Variants in MRE11 observed in about 807,000 individuals in gnomAD.
MRE11 encodes the protein MRE11 double strand break repair nuclease, also known as double-strand break repair protein MRE11.
A neutral mutation model predicts 91.7 loss-of-function variants in MRE11; 62 were observed. That is an observed-to-expected ratio of 0.68 (90% confidence interval 0.55 to 0.84). The LOEUF (loss-of-function observed/expected upper bound fraction) is 0.84. Ranked by LOEUF, MRE11 falls within the 40% of genes least tolerant of loss-of-function variation. MRE11 has a pLI of 0.00. For synonymous variants in MRE11, 273 were observed against 271.4 expected (o/e 1.01, Z -0.06); for missense variants, 796 against 852.9 (o/e 0.93, Z 0.83).
the MRE11 span, among the ~76,000 whole-genome samples, chr11:94,501,274 T>G: frequency 6.6e-6 from 1 of 152,224 alleles, no homozygotes; most frequent in Non-Finnish European, 1.5e-5. Flanking sequence ...TCTAAATCAG[T>G]GCCAACACAT....
intron 6 of MRE11, among the ~76,000 whole-genome samples, chr11:94,478,451 C>T (rs2135083038): frequency 6.6e-6 from 1 of 152,222 alleles, no homozygotes; most frequent in East Asian, 1.9e-4. Flanking sequence ...TTAGACCTTT[C>T]AAAGACTTCC....
the MRE11 span, among the ~76,000 whole-genome samples, chr11:94,507,541 A>G: frequency 6.6e-6 from 1 of 152,236 alleles, no homozygotes; most frequent in Non-Finnish European, 1.5e-5. Context: ...AAAAACTGCC[A>G]AAACAGTTCT....
upstream of MRE11, among the ~76,000 whole-genome samples, chr11:94,494,961 T>G (rs36225559): frequency 0.01 from 1,578 of 152,280 alleles, 14 homozygotes; most frequent in Non-Finnish European, 0.018. Context: ...AAGTGGAAGC[T>G]CCAGGAGAAT....
intron 14 of MRE11, among the ~76,000 whole-genome samples, chr11:94,451,322 G>T (rs1239415308): frequency 1.3e-5 from 2 of 151,896 alleles, no homozygotes; most frequent in African/African-American, 4.8e-5. Context: ...AATTATCAAA[G>T]AAAATTTTGA....
At chr11:94,464,574 A>AAAAC (rs201300891) in intron 10 of MRE11, among the ~76,000 whole-genome samples, 9 of 152,318 alleles carry the variant, frequency 5.9e-5, no homozygotes, top group East Asian at 1.9e-4. Context: ...CTGAACTTTC[A>AAAAC]AAACAAACAA....
chr11:94,478,955 A>C, intron 5 of MRE11, 79 bp from the exon 6 acceptor site: 12 of 1,439,764 alleles, frequency 8.3e-6, no homozygotes, highest in Non-Finnish European at 1.2e-5. Context: ...ACCTGTTAAA[A>C]GCATACTCCA....
chr11:94,504,371 G>A, the MRE11 span, among the ~76,000 whole-genome samples: 1 of 151,896 alleles, frequency 6.6e-6, no homozygotes, highest in Non-Finnish European at 1.5e-5. Context: ...TCTTCAGGGG[G>A]GCCTGTTATT....
rs1318703478 is a variant in MRE11 at position 94,417,591 on chromosome 11, A to C, written c.*2534T>G. On this transcript the variant is annotated 3_prime_UTR_variant, in exon 20 of 20. Coordinates refer to ENST00000323929, the MANE Select transcript of MRE11 (RefSeq NM_005591.4). ...TGGCAGAAGCACCACCTTGTGGCAA[A>C]AGTAGGAGCTTTTAAATTACAGAAG... The C allele has an allele frequency of 4.3e-6, 1 of 232,924 alleles. No homozygotes were observed. The allele number at this position is 232,924 out of a possible 1,614,324, so 14.4% of individuals were successfully genotyped here.
At chr11:94,498,374 A>G, upstream of MRE11, 1 of 1,613,304 alleles carries the variant, frequency 6.2e-7, no homozygotes, top group East Asian at 2.2e-5. Flanking sequence ...CAGAGACAGC[A>G]AGGATACCCT....
chr11:94,459,838 G>T (rs767063547), intron 12 of MRE11, among the ~76,000 whole-genome samples: 12 of 152,122 alleles, frequency 7.9e-5, no homozygotes, highest in Non-Finnish European at 1.8e-4. Flanking sequence ...TAATAGAGAT[G>T]AAATTAACCA....
chr11:94,485,786 T>C (rs779364417), intron 4 of MRE11, 138 bp downstream of exon 4: 4 of 796,268 alleles, frequency 5.0e-6, no homozygotes, highest in Non-Finnish European at 8.1e-6. Flanking sequence ...AATACAATGA[T>C]GTACAAAAAA....
intron 4 of MRE11, among the ~76,000 whole-genome samples, chr11:94,483,419 G>A (rs891912912): frequency 3.3e-5 from 5 of 152,150 alleles, no homozygotes; most frequent in East Asian, 1.9e-4. Context: ...GAGGGGCCTC[G>A]TGGGAGATAA....
At chr11:94,426,565 A>T (rs925010729) in intron 19 of MRE11, among the ~76,000 whole-genome samples, 3 of 152,138 alleles carry the variant, frequency 2.0e-5, no homozygotes, top group African/African-American at 4.8e-5. Flanking sequence ...ATTAGAGAAG[A>T]ACTGAACAAA....
chr11:94,466,873 T>A (rs776739453), intron 10 of MRE11, among the ~76,000 whole-genome samples: 1 of 152,180 alleles, frequency 6.6e-6, no homozygotes, highest in East Asian at 1.9e-4. Flanking sequence ...CTCCTGGAGA[T>A]ACAGAACAAG....
At chr11:94,506,614 G>C in the MRE11 span, among the ~76,000 whole-genome samples, 2 of 149,456 alleles carry the variant, frequency 1.3e-5, no homozygotes. Flanking sequence ...TTTGAGACAG[G>C]GTCTTGCTCT....
chr11:94,425,706 G>A (rs1052235848), intron 19 of MRE11, among the ~76,000 whole-genome samples: 1 of 152,140 alleles, frequency 6.6e-6, no homozygotes, highest in African/African-American at 2.4e-5. Context: ...TCTTTTATCA[G>A]ATATAGCCGA....
chr11:94,493,253 G>T (rs2135151474), intron 1 of MRE11, among the ~76,000 whole-genome samples: 1 of 152,238 alleles, frequency 6.6e-6, no homozygotes, highest in East Asian at 1.9e-4. Flanking sequence ...ATATTTTTAA[G>T]TTGCACGCAT....
At chr11:94,452,032 C>CGTGGT (rs1188358244) in intron 14 of MRE11, among the ~76,000 whole-genome samples, 1 of 151,770 alleles carries the variant, frequency 6.6e-6, no homozygotes, top group Non-Finnish European at 1.5e-5. Context: ...ATGGTGAAAC[C>CGTGGT]CTGTCTCTAC....
At chr11:94,486,126 G>A in intron 3 of MRE11, 42 bp from the exon 4 acceptor site, 1 of 1,603,462 alleles carries the variant, frequency 6.2e-7, no homozygotes, top group Non-Finnish European at 8.5e-7. Context: ...ATGTTTTACA[G>A]GTAAAATTTT....
Sources: gnomAD v4.1 joint callset for allele counts (sites outside exome capture counted in the v4.1 genomes callset) on GRCh38, gnomAD v4.1.1 for gene constraint, MANE v1.5 for transcripts, NCBI Gene and HGNC (gene_info 2026-07-23, HGNC 2026-07-21) for gene names.